The following UTRN variants were observed in gnomAD, a reference collection of about 807,000 sequenced individuals.
UTRN encodes utrophin.
Under a neutral mutation model 463.9 loss-of-function variants are expected in UTRN, and 283 were observed. The observed-to-expected ratio is 0.61, with a 90% confidence interval of 0.55 to 0.67. The LOEUF is 0.67. UTRN is among the 30% of genes least tolerant of loss of function. UTRN has a pLI of 0.00. For missense variants in UTRN, 3,922 were observed against 4,084.3 expected, an observed-to-expected ratio of 0.96 and a Z score of 1.08; for synonymous variants, 1,442 against 1,431.5, an observed-to-expected ratio of 1.01 and a Z score of -0.17.
At chr6:144,645,637 T>C (rs914867463) in intron 51 of UTRN, among the ~76,000 whole-genome samples, 1 of 152,006 alleles carries the variant, frequency 6.6e-6, no homozygotes, top group South Asian at 2.1e-4. Context: ...TCTGAAAAAA[T>C]AAAAGGATCT....
chr6:144,588,026 A>G (rs925984017), intron 51 of UTRN, among the ~76,000 whole-genome samples: 16 of 152,176 alleles, frequency 1.1e-4, no homozygotes, highest in Admixed American at 5.2e-4. Context: ...AACCCTCTCT[A>G]TGGATGCTGT....
chr6:144,454,933 T>C (rs1788671438), intron 19 of UTRN, among the ~76,000 whole-genome samples: 1 of 152,160 alleles, frequency 6.6e-6, no homozygotes, highest in East Asian at 1.9e-4. Context: ...TCCAGAAATT[T>C]CTCTTTTGGG....
chr6:144,338,107 C>T (rs1776876254), intron 2 of UTRN, among the ~76,000 whole-genome samples: 1 of 152,176 alleles, frequency 6.6e-6, no homozygotes, highest in Non-Finnish European at 1.5e-5. Context: ...CATGAAGTAC[C>T]ATCCTTGACA....
intron 33 of UTRN, among the ~76,000 whole-genome samples, chr6:144,497,808 A>C (rs1353151465): frequency 6.6e-6 from 1 of 152,180 alleles, no homozygotes; most frequent in Non-Finnish European, 1.5e-5. Flanking sequence ...AGGTCTGGAG[A>C]ATATATCTGG....
chr6:144,400,155 G>A (rs184187794), intron 2 of UTRN, among the ~76,000 whole-genome samples: 13 of 152,270 alleles, frequency 8.5e-5, no homozygotes, highest in Middle Eastern at 3.4e-3. Context: ...AAGGAAAACA[G>A]GGTTTGAATT....
intron 47 of UTRN, 28 bp downstream of exon 47, chr6:144,548,882 T>G: frequency 6.2e-7 from 1 of 1,608,084 alleles, no homozygotes. Context: ...AAGCTTGTCA[T>G]GGAAACGCCA....
At chr6:144,576,965 C>T in intron 50 of UTRN, 134 bp from the exon 51 acceptor site, 1 of 720,218 alleles carries the variant, frequency 1.4e-6, no homozygotes, top group Non-Finnish European at 2.2e-6. Context: ...AGATAAATCT[C>T]CCAGTTACCT....
Position 144,843,496 on chromosome 6 carries a change from AGG to A in UTRN, c.10270+2665_10270+2666del, listed in dbSNP as rs1781768747. Among the ~76,000 whole-genome samples the A allele has an allele frequency of 3.3e-5, 5 of 152,238 alleles. No homozygotes were observed. In the South Asian group the frequency reaches 1.0e-3, roughly 31 times the overall value. On this transcript the variant is annotated intron_variant, in intron 73 of 74. Transcript: ENST00000367545. The stretch of plus-strand genomic sequence containing the variant: ...ATTTAGAGCAAAAATGAATTGTAAC[AGG>A]TAAATGTATGTATCTCTTTTTATGG...
rs1782459199 is a variant in UTRN, at chr6:144,851,190, A to G, written c.*193A>G. ...AAATGGATATTTTGTTTTTATAATA[A>G]CCATATATTATTGTTTTCTTCTTCC... On this transcript the variant is annotated 3_prime_UTR_variant, in exon 75 of 75. Coordinates refer to ENST00000367545, the MANE Select transcript of UTRN (RefSeq NM_007124.3). The G allele has an allele frequency of 1.5e-6, 1 of 663,840 alleles. No homozygotes were observed. Among genetic ancestry groups the G allele is most frequent in the South Asian group, 1.9e-5 (1 of 51,606 alleles). 41.1% of individuals were successfully genotyped at this position (663,840 alleles called of 1,614,324 possible). A position where few individuals can be genotyped will look rare whatever the true frequency, so the allele number is the denominator to read the frequency against.
chr6:144,754,611 T>A, intron 56 of UTRN, 109 bp from the exon 57 acceptor site: 9 of 846,714 alleles, frequency 1.1e-5, no homozygotes, highest in East Asian at 4.1e-5. Flanking sequence ...TAAACAATCA[T>A]ATCCTGGGCA....
intron 2 of UTRN, among the ~76,000 whole-genome samples, chr6:144,314,440 G>A (rs2114566486): frequency 6.6e-6 from 1 of 152,348 alleles, no homozygotes; most frequent in South Asian, 2.1e-4. Context: ...GTGACAACTT[G>A]TTGATGGGAA....
chr6:144,732,800 G>A (rs977483046), intron 54 of UTRN, among the ~76,000 whole-genome samples: 14 of 151,912 alleles, frequency 9.2e-5, no homozygotes, highest in African/African-American at 3.4e-4. Context: ...GCACATCAAC[G>A]TCCCAGGATC....
In UTRN at chr6:144,534,481, A is replaced by G. The variant is rs557433162; in HGVS notation, c.6233+1221A>G. Among the ~76,000 whole-genome samples the G allele has an allele frequency of 5.3e-5, 8 of 152,354 alleles. No homozygotes were observed. The South Asian group carries it at 1.4e-3, about 28-fold the overall frequency. On this transcript the variant is annotated intron_variant, in intron 43 of 74. Coordinates refer to ENST00000367545, the MANE Select transcript of UTRN (RefSeq NM_007124.3). The stretch of plus-strand genomic sequence containing the variant: ...GTGTCTTCCTCTGGAAATGAGAACT[A>G]TGATATCACCACAGAGGACTGTCAT...
chr6:144,739,747 T>G (rs967208806), intron 54 of UTRN, among the ~76,000 whole-genome samples: 2 of 152,184 alleles, frequency 1.3e-5, no homozygotes, highest in African/African-American at 2.4e-5. Flanking sequence ...TATGACTGTA[T>G]AGCTCACAAC....
At chr6:144,676,065 G>A (rs184229927) in intron 51 of UTRN, among the ~76,000 whole-genome samples, 3 of 148,456 alleles carry the variant, frequency 2.0e-5, no homozygotes, top group African/African-American at 7.5e-5. Flanking sequence ...TTTTTTTTTG[G>A]CTTTTTCATT....
intron 61 of UTRN, among the ~76,000 whole-genome samples, chr6:144,788,019 C>CT (rs1468926140): frequency 6.6e-6 from 1 of 151,960 alleles, no homozygotes; most frequent in Non-Finnish European, 1.5e-5. Flanking sequence ...ACTACTGTGA[C>CT]TAACATTTGG....
chr6:144,732,748 T>G (rs966788674), intron 54 of UTRN, among the ~76,000 whole-genome samples: 1 of 151,874 alleles, frequency 6.6e-6, no homozygotes, highest in East Asian at 1.9e-4. Flanking sequence ...GGTTTTGCTC[T>G]GTTGTCCAGG....
chr6:144,588,674 T>C (rs1281834428), intron 51 of UTRN, among the ~76,000 whole-genome samples: 1 of 152,210 alleles, frequency 6.6e-6, no homozygotes, highest in Non-Finnish European at 1.5e-5. Context: ...GCAAAGTTTA[T>C]TAAATTTCAA....
At chr6:144,646,392 C>CGTGG (rs1778304657) in intron 51 of UTRN, among the ~76,000 whole-genome samples, 2 of 152,064 alleles carry the variant, frequency 1.3e-5, no homozygotes, top group Non-Finnish European at 2.9e-5. Context: ...GTTAGCTCAC[C>CGTGG]AAAATGTTAC....
Sources: allele counts gnomAD v4.1 joint callset (sites outside exome capture counted in the v4.1 genomes callset), GRCh38; gene constraint gnomAD v4.1.1; transcripts MANE v1.5; gene names NCBI Gene and HGNC (gene_info 2026-07-23, HGNC 2026-07-21).